Variants in SPTBN4 observed in about 807,000 individuals in gnomAD.
SPTBN4 encodes spectrin beta chain, non-erythrocytic 4.
SPTBN4 carries 96 observed loss-of-function variants against 277.8 expected under a neutral mutation model. The ratio of observed to expected loss-of-function variants is 0.35; its 90% CI spans 0.29 to 0.41. The LOEUF (loss-of-function observed/expected upper bound fraction) is 0.41. Among genes scored for constraint, SPTBN4 ranks in the 10% least tolerant of loss-of-function variants. The pLI, the probability that SPTBN4 is intolerant of heterozygous loss-of-function variation, is 1.00. For missense variants in SPTBN4, 3,006 were observed against 3,595.7 expected, an observed-to-expected ratio of 0.84 and a Z score of 4.19; for synonymous variants, 1,481 against 1,580.3, an observed-to-expected ratio of 0.94 and a Z score of 1.49.
At chr19:40,541,041 A>G (rs1468360993) in intron 20 of SPTBN4, among the ~76,000 whole-genome samples, 1 of 152,088 alleles carries the variant, frequency 6.6e-6, no homozygotes, top group Non-Finnish European at 1.5e-5. Context: ...GATCTTTCTC[A>G]GTCCGATGGC....
At chr19:40,467,509 T>G (rs2079838735) in intron 1 of SPTBN4, among the ~76,000 whole-genome samples, 1 of 151,714 alleles carries the variant, frequency 6.6e-6, no homozygotes, top group African/African-American at 2.4e-5. Flanking sequence ...CCAGGCCTTG[T>G]CCTTCCCAGG....
intron 21 of SPTBN4, 134 bp from the exon 22 acceptor site, chr19:40,550,104 G>A: frequency 1.6e-6 from 1 of 636,386 alleles, no homozygotes. Context: ...AACAAAAAAT[G>A]GAGGAGGCTG....
At chr19:40,514,460 C>T (rs991962215) in intron 14 of SPTBN4, among the ~76,000 whole-genome samples, 1 of 152,094 alleles carries the variant, frequency 6.6e-6, no homozygotes, top group Non-Finnish European at 1.5e-5. Context: ...TAGACCAGGG[C>T]GGGAGGTAAG....
At chr19:40,497,416 G>A (rs2080211930) in intron 6 of SPTBN4, 73 bp from the exon 7 acceptor site, 2 of 1,092,000 alleles carry the variant, frequency 1.8e-6, no homozygotes, top group Admixed American at 1.7e-5. Context: ...CTCAGACAAG[G>A]GTGGCTTCTT....
chr19:40,554,791 G>A lies in SPTBN4; in HGVS notation c.5084+145G>A. ...CTGGAGCCCTCGAATTTGGCAAGTG[G>A]GCGGGCCGGAATGGGGGGACACGGC... On this transcript the variant is annotated intron_variant, in intron 24 of 35. Transcript: ENST00000598249. This position sits in a 1 kb window ranked among gnomAD's most constrained non-coding sequence, Gnocchi z 5.7. The A allele has an allele frequency of 1.5e-6, 2 of 1,316,004 alleles. No homozygotes were observed. Among genetic ancestry groups the A allele is most frequent in the South Asian group, 1.3e-5 (1 of 75,834 alleles). 81.5% of individuals were successfully genotyped at this position (1,316,004 alleles called of 1,614,324 possible). A position where few individuals can be genotyped will look rare whatever the true frequency, so the allele number is the denominator to read the frequency against.
At chr19:40,468,960 A>G (rs2079854839) in intron 1 of SPTBN4, among the ~76,000 whole-genome samples, 1 of 152,178 alleles carries the variant, frequency 6.6e-6, no homozygotes, top group South Asian at 2.1e-4. Context: ...TTACCTGGTC[A>G]TGGTGGAGCT....
chr19:40,525,211 G>A (rs1260991053), intron 17 of SPTBN4, among the ~76,000 whole-genome samples: 1 of 152,116 alleles, frequency 6.6e-6, no homozygotes, highest in Non-Finnish European at 1.5e-5. Context: ...TCTGGGGCAA[G>A]GCAGCATGCT....
Position 40,568,230 on chromosome 19 carries a change from C to A in SPTBN4, c.6904C>A (p.Arg2302=). 3 of 1,601,820 alleles carry A rather than the reference C, an allele frequency of 1.9e-6. No individual in the cohort carries two copies. Among genetic ancestry groups the A allele is most frequent in the Non-Finnish European group, 2.6e-6 (3 of 1,174,682 alleles). ...RRERRERRLE[R]QESSEQEMPI... is the part of the protein sequence containing the mutation. ...CGAGCGGCGTGAGCGGCGCTTGGAG[C>A]GGCAGGAGTCCAGCGAACAGGAGAT... is the stretch of plus-strand genomic sequence containing the variant. Residue 2302 remains arginine, a synonymous_variant, in exon 31 of 36, where the codon CGG becomes AGG. Transcript: ENST00000598249.
intron 1 of SPTBN4, among the ~76,000 whole-genome samples, chr19:40,471,400 T>C (rs2079882885): frequency 6.6e-6 from 1 of 152,168 alleles, no homozygotes; most frequent in African/African-American, 2.4e-5. Context: ...TAAGAGAAGG[T>C]ACATGAAGTA....
intron 2 of SPTBN4, among the ~76,000 whole-genome samples, chr19:40,482,110 T>C (rs1374698424): frequency 1.3e-5 from 2 of 151,736 alleles, no homozygotes; most frequent in East Asian, 3.9e-4. Flanking sequence ...CTAATTCTTA[T>C]ATTTTTAGTA....
chr19:40,474,175 A>G (rs867058833), intron 2 of SPTBN4, among the ~76,000 whole-genome samples: 1 of 150,262 alleles, frequency 6.7e-6, no homozygotes, highest in Admixed American at 6.7e-5. Flanking sequence ...AAAAAAAAAA[A>G]AAAAGAGCTT....
intron 20 of SPTBN4, among the ~76,000 whole-genome samples, chr19:40,546,823 C>G (rs2080864623): frequency 6.6e-6 from 1 of 152,100 alleles, no homozygotes; most frequent in African/African-American, 2.4e-5. Flanking sequence ...ACCTGGATGA[C>G]AGAGCAAGAC....
chr19:40,469,140 A>G (rs531255740), intron 1 of SPTBN4, among the ~76,000 whole-genome samples: 3 of 151,998 alleles, frequency 2.0e-5, no homozygotes, highest in Non-Finnish European at 4.4e-5. Flanking sequence ...CTAAGGGACA[A>G]TTTCCACTCT....
intron 17 of SPTBN4, 26 bp downstream of exon 17, chr19:40,523,665 C>T (rs1172532234): frequency 6.3e-7 from 1 of 1,578,302 alleles, no homozygotes; most frequent in Admixed American, 1.7e-5. Flanking sequence ...CCATCCACCC[C>T]AGGGAGGGGG....
At chr19:40,548,992 A>G (rs2080886774) in intron 20 of SPTBN4, among the ~76,000 whole-genome samples, 197 bp from the exon 21 acceptor site, 1 of 152,218 alleles carries the variant, frequency 6.6e-6, no homozygotes, top group African/African-American at 2.4e-5. Flanking sequence ...AGCAAAGGCA[A>G]AGGCTCCGAG....
At position 40,568,221 on chromosome 19, in the gene SPTBN4, C is replaced by T. The variant is rs1356364851; in HGVS notation, c.6895C>T (p.Arg2299Cys). The change falls in exon 31 of 36, where the codon CGC becomes TGC. Residue 2299 changes from arginine to cysteine, a missense_variant. This residue lies in a region of SPTBN4 where 630 missense variants were observed against 677.6 expected (regional missense o/e 0.93). Coordinates refer to ENST00000598249, the MANE Select transcript of SPTBN4 (RefSeq NM_020971.3). ...GCGGCGGCGCGAGCGGCGTGAGCGG[C>T]GCTTGGAGCGGCAGGAGTCCAGCGA... ...MERRRERRER[R>C]LERQESSEQE... 1 of 1,603,574 alleles carries T rather than the reference C, an allele frequency of 6.2e-7. No individual in the cohort carries two copies. Among genetic ancestry groups the T allele is most frequent in the Non-Finnish European group, 8.5e-7 (1 of 1,175,324 alleles).
chr19:40,504,528 G>T (rs1198759641), intron 12 of SPTBN4, among the ~76,000 whole-genome samples: 1 of 152,142 alleles, frequency 6.6e-6, no homozygotes, highest in African/African-American at 2.4e-5. Context: ...AATTAGCCGG[G>T]CGTAGTGGCG....
At chr19:40,514,716 A>G (rs2080434117) in intron 14 of SPTBN4, among the ~76,000 whole-genome samples, 1 of 152,196 alleles carries the variant, frequency 6.6e-6, no homozygotes, top group Non-Finnish European at 1.5e-5. Context: ...GGCAAAGACC[A>G]AGGCTGTGGG....
chr19:40,512,488 A>C, intron 13 of SPTBN4, 118 bp from the exon 14 acceptor site: 2 of 1,308,518 alleles, frequency 1.5e-6, no homozygotes, highest in Non-Finnish European at 2.0e-6. Context: ...AGGAGGAGCC[A>C]CGTGACCCGG....
Sources: allele counts gnomAD v4.1 joint callset (sites outside exome capture counted in the v4.1 genomes callset), GRCh38; gene constraint gnomAD v4.1.1; regional missense constraint gnomAD v4.1.1; non-coding constraint Gnocchi (gnomAD v3.1); transcripts MANE v1.5; gene names NCBI Gene and HGNC (gene_info 2026-07-23, HGNC 2026-07-21).